Variants in RGS6 observed in about 807,000 individuals in gnomAD.
RGS6 encodes regulator of G-protein signaling 6.
A neutral mutation model predicts 78.5 loss-of-function variants in RGS6; 30 were observed. The ratio of observed to expected loss-of-function variants is 0.38; its 90% CI spans 0.29 to 0.52. The LOEUF is 0.52. RGS6 is among the 20% of genes least tolerant of loss of function. The probability of loss-of-function intolerance (pLI) is 0.85; values close to 1 mark genes in which losing one functional copy is unlikely to be tolerated. For missense variants in RGS6, 495 were observed against 609.7 expected (o/e 0.81, Z 1.98); for synonymous variants, 206 against 206.0 (o/e 1.00, Z 0.00).
intron 2 of RGS6, among the ~76,000 whole-genome samples, chr14:72,208,654 A>G (rs1187912710): frequency 6.6e-6 from 1 of 152,194 alleles, no homozygotes; most frequent in Admixed American, 6.5e-5. Flanking sequence ...GTTGAATGAA[A>G]AAATGTCTCA....
the RGS6 span, among the ~76,000 whole-genome samples, chr14:71,886,334 C>T: frequency 6.6e-6 from 1 of 152,166 alleles, no homozygotes; most frequent in African/African-American, 2.4e-5. Flanking sequence ...AGAGTAGCAT[C>T]TTTGTTTTAT....
intron 2 of RGS6, among the ~76,000 whole-genome samples, chr14:72,120,787 G>A (rs185592328): frequency 6.6e-6 from 1 of 152,294 alleles, no homozygotes; most frequent in East Asian, 1.9e-4. Context: ...GATGGCCTGG[G>A]TGGCAGGGAG....
chr14:71,878,197 C>T, the RGS6 span, among the ~76,000 whole-genome samples: 1 of 152,204 alleles, frequency 6.6e-6, no homozygotes, highest in Non-Finnish European at 1.5e-5. Context: ...AATGACTACT[C>T]TCTTCAAAGC....
intron 2 of RGS6, among the ~76,000 whole-genome samples, chr14:72,024,439 G>GT (rs1227201844): frequency 6.6e-6 from 1 of 152,178 alleles, no homozygotes; most frequent in Non-Finnish European, 1.5e-5. Context: ...GGCCAAGTGG[G>GT]TTTCTGTTGT....
intron 2 of RGS6, among the ~76,000 whole-genome samples, chr14:72,302,869 T>C (rs2066402583): frequency 1.3e-5 from 2 of 152,156 alleles, no homozygotes; most frequent in Admixed American, 6.5e-5. Flanking sequence ...AATTGAATCA[T>C]GGGGGTGGAT....
chr14:72,485,859 C>G (rs1191780012), intron 12 of RGS6, among the ~76,000 whole-genome samples: 2 of 152,206 alleles, frequency 1.3e-5, no homozygotes, highest in Admixed American at 6.5e-5. Flanking sequence ...ACCTTATTCT[C>G]TTTCATGACA....
the RGS6 span, among the ~76,000 whole-genome samples, chr14:71,889,228 C>T: frequency 4.9e-4 from 75 of 151,766 alleles, 1 homozygote; most frequent in South Asian, 8.4e-4. Flanking sequence ...GTGTGTTTGA[C>T]GTAGGAGGAA....
At chr14:72,540,469 G>T in intron 17 of RGS6, 1 of 1,535,930 alleles carries the variant, frequency 6.5e-7, no homozygotes, top group Non-Finnish European at 8.7e-7. Flanking sequence ...GAAATAAATT[G>T]GCTCAGAACC....
intron 2 of RGS6, among the ~76,000 whole-genome samples, chr14:72,173,185 T>C (rs1440165291): frequency 2.0e-5 from 3 of 152,016 alleles, no homozygotes; most frequent in Non-Finnish European, 4.4e-5. Flanking sequence ...TTGGTGGTTA[T>C]GCTTCGGGGA....
At chr14:72,424,804 G>T (rs185030508) in intron 3 of RGS6, among the ~76,000 whole-genome samples, 1 of 152,162 alleles carries the variant, frequency 6.6e-6, no homozygotes, top group African/African-American at 2.4e-5. Context: ...TTCTGGGGGG[G>T]CAATGCTATA....
intron 9 of RGS6, 62 bp downstream of exon 9, chr14:72,473,015 T>C: frequency 8.2e-7 from 1 of 1,226,118 alleles, no homozygotes; most frequent in Non-Finnish European, 1.1e-6. Context: ...TTTATCTCTA[T>C]AAAGAAAAGA....
At chr14:72,248,133 T>G (rs1488085907) in intron 2 of RGS6, among the ~76,000 whole-genome samples, 1 of 152,220 alleles carries the variant, frequency 6.6e-6, no homozygotes, top group Non-Finnish European at 1.5e-5. Flanking sequence ...TAGAGACCTT[T>G]CCAGGGGTTC....
At chr14:72,499,975 G>A (rs1040850949) in intron 13 of RGS6, among the ~76,000 whole-genome samples, 1 of 152,224 alleles carries the variant, frequency 6.6e-6, no homozygotes, top group African/African-American at 2.4e-5. Context: ...GGATGAACAA[G>A]TCATTCTTTA....
intron 3 of RGS6, among the ~76,000 whole-genome samples, chr14:72,387,141 A>C (rs985577521): frequency 6.6e-6 from 1 of 152,180 alleles, no homozygotes; most frequent in Admixed American, 6.5e-5. Context: ...ATATTAATAC[A>C]CATTATAAGA....
chr14:72,122,188 C>G (rs1418604089), intron 2 of RGS6, among the ~76,000 whole-genome samples: 2 of 152,158 alleles, frequency 1.3e-5, no homozygotes, highest in Admixed American at 1.3e-4. Flanking sequence ...TATTTCCACT[C>G]TTGATTCTCT....
At position 72,360,075 on chromosome 14, in the gene RGS6, T is replaced by C. The variant is rs934086773; in HGVS notation, c.184+7881T>C. Among the ~76,000 whole-genome samples, 14 of 152,088 alleles carry C rather than the reference T, an allele frequency of 9.2e-5. No individual in the cohort carries two copies. In the East Asian group the frequency reaches 2.1e-3, roughly 23 times the overall value. ...ATAAAAAGATAATATGTTTGTATTATAGAAATGACTCAGTGGGGGTGGGGG... is the reference window on the plus strand; with the variant it reads ...ATAAAAAGATAATATGTTTGTATTACAGAAATGACTCAGTGGGGGTGGGGG... On this transcript the variant is annotated intron_variant, in intron 3 of 17. Coordinates refer to ENST00000553525, the MANE Select transcript of RGS6 (RefSeq NM_001204424.2).
intron 2 of RGS6, among the ~76,000 whole-genome samples, chr14:72,275,897 A>G (rs1390045884): frequency 6.6e-6 from 1 of 152,204 alleles, no homozygotes; most frequent in Non-Finnish European, 1.5e-5. Context: ...GTTAGCTGGC[A>G]TCTTTCCATT....
chr14:71,882,527 G>A, the RGS6 span, among the ~76,000 whole-genome samples: 1 of 152,166 alleles, frequency 6.6e-6, no homozygotes, highest in African/African-American at 2.4e-5. Context: ...AGACATTACT[G>A]GATGACCTTA....
intron 3 of RGS6, among the ~76,000 whole-genome samples, chr14:72,398,384 G>C (rs1292661920): frequency 6.6e-6 from 1 of 152,166 alleles, no homozygotes; most frequent in Non-Finnish European, 1.5e-5. Context: ...ATTTCTGTGG[G>C]ATCAGTGGTG....
Sources: allele counts gnomAD v4.1 joint callset (sites outside exome capture counted in the v4.1 genomes callset), GRCh38; gene constraint gnomAD v4.1.1; transcripts MANE v1.5; gene names NCBI Gene and HGNC (gene_info 2026-07-23, HGNC 2026-07-21).